Variants in FOXN2 observed in about 807,000 individuals in gnomAD.
The protein encoded by FOXN2 is forkhead box protein N2.
FOXN2 carries 19 observed loss-of-function variants against 41.2 expected under a neutral mutation model. The ratio of observed to expected loss-of-function variants is 0.46; its 90% CI spans 0.32 to 0.68. The LOEUF (loss-of-function observed/expected upper bound fraction) is 0.68. FOXN2 is among the 30% of genes least tolerant of loss of function. The pLI is 0.03. For missense variants in FOXN2, 587 were observed against 509.4 expected (o/e 1.15, Z -1.47); for synonymous variants, 195 against 176.8 (o/e 1.10, Z -0.82).
At position 48,378,102 on chromosome 2, in the gene FOXN2, T is replaced by A. The variant is rs1223345123; in HGVS notation, c.*2659T>A. 4 of 152,450 alleles carry A rather than the reference T, an allele frequency of 2.6e-5. No homozygotes were observed. The highest frequency in any genetic ancestry group is 2.9e-5 in the Non-Finnish European group (2 of 67,896). The allele number at this position is 152,450 out of a possible 1,614,324, so 9.4% of individuals were successfully genotyped here. ...GCAGCTGATTCCAGTTTATAATAGA[T>A]CCCTAGTAAAAAGCTTTGATTCAAC... On this transcript the variant is annotated 3_prime_UTR_variant, in exon 7 of 7. Transcript: ENST00000340553.
Position 48,374,949 on chromosome 2 carries a change from T to G in FOXN2, c.802T>G (p.Leu268Val). 3.1e-6 allele frequency: 5 copies of G among 1,612,970 alleles called. No individual in the cohort carries two copies. Among genetic ancestry groups the G allele is most frequent in the Non-Finnish European group, 4.2e-6 (5 of 1,179,228 alleles). ...CEKPLPLKTALQKKRSYGNAF... is the reference protein window; with the variant it reads ...CEKPLPLKTAVQKKRSYGNAF... ...GAAGCCTCTTCCTCTTAAAACAGCA[T>G]TGCAAAAAAAGAGGAGTTACGGCAA... is the stretch of plus-strand genomic sequence containing the variant. Residue 268 changes from leucine to valine, a missense_variant, in exon 7 of 7, where the codon TTG becomes GTG. Leu to Val is a conservative substitution (Grantham distance 32). Coordinates refer to ENST00000340553, the MANE Select transcript of FOXN2 (RefSeq NM_002158.4).
At chr2:48,341,641 A>C (rs893172692) in intron 2 of FOXN2, among the ~76,000 whole-genome samples, 3 of 152,242 alleles carry the variant, frequency 2.0e-5, no homozygotes, top group African/African-American at 7.2e-5. Context: ...TTTGGAAAGA[A>C]GAGCTCATTA....
intron 3 of FOXN2, among the ~76,000 whole-genome samples, chr2:48,358,298 T>C (rs1219968305): frequency 1.3e-5 from 2 of 151,690 alleles, no homozygotes; most frequent in Non-Finnish European, 1.5e-5. Context: ...AATATTCACC[T>C]ATTTTGCAGC....
chr2:48,340,910 G>A (rs1188310818), intron 2 of FOXN2: 1 of 152,114 alleles, frequency 6.6e-6, no homozygotes. Context: ...TAACACAAAT[G>A]TGTACTTTGC....
chr2:48,358,956 ATTAT>A, intron 3 of FOXN2, 87 bp from the exon 4 acceptor site: 1 of 936,938 alleles, frequency 1.1e-6, no homozygotes, highest in Admixed American at 2.4e-5. Flanking sequence ...GGTGCTAGAG[ATTAT>A]TTACCCCTGC....
At chr2:48,340,419 C>G (rs1439173040) in intron 2 of FOXN2, among the ~76,000 whole-genome samples, 1 of 152,052 alleles carries the variant, frequency 6.6e-6, no homozygotes, top group Non-Finnish European at 1.5e-5. Context: ...TTTTATATTT[C>G]TTATCCTAGA....
chr2:48,337,041 G>A (rs965515530), intron 2 of FOXN2, among the ~76,000 whole-genome samples: 3 of 150,146 alleles, frequency 2.0e-5, no homozygotes, highest in Non-Finnish European at 4.4e-5. Flanking sequence ...CTATCAAATA[G>A]TAGGTCTTAT....
At chr2:48,320,202 G>T (rs1002401065) in intron 1 of FOXN2, among the ~76,000 whole-genome samples, 1 of 151,966 alleles carries the variant, frequency 6.6e-6, no homozygotes, top group African/African-American at 2.4e-5. Flanking sequence ...GCTGATTGAA[G>T]AATTATTAAT....
At chr2:48,357,383 A>G (rs555976610) in intron 3 of FOXN2, among the ~76,000 whole-genome samples, 1 of 152,352 alleles carries the variant, frequency 6.6e-6, no homozygotes, top group Admixed American at 6.5e-5. Context: ...GAGCATGGCT[A>G]GCATTATTAA....
chr2:48,317,595 C>CCTTTTTTTTTTTTTTTTTTTTTT (rs1669006573), intron 1 of FOXN2, among the ~76,000 whole-genome samples: 4 of 34,712 alleles, frequency 1.2e-4, no homozygotes, highest in African/African-American at 3.5e-4. Flanking sequence ...TATAGTATTG[C>CCTTTTTTTTTTTTTTTTTTTTTT]TTTTTTTTTT....
At position 48,316,144 on chromosome 2, in the gene FOXN2, A is replaced by T. The variant is rs542187610; in HGVS notation, c.-157+1330A>T. 3.3e-5 allele frequency among the ~76,000 whole-genome samples: 5 copies of T among 152,094 alleles called. No individual in the cohort carries two copies. The South Asian group carries it at 1.0e-3, about 32-fold the overall frequency. On this transcript the variant is annotated intron_variant, in intron 1 of 6. Transcript: ENST00000340553. ...CATGTACATTTATCTTGGTGGGAGAAGCTGAACCATTCATGCCTGTACCTG... is the reference window on the plus strand; with the variant it reads ...CATGTACATTTATCTTGGTGGGAGATGCTGAACCATTCATGCCTGTACCTG...
intron 2 of FOXN2, among the ~76,000 whole-genome samples, chr2:48,334,362 T>C (rs1198445622): frequency 6.6e-6 from 1 of 152,196 alleles, no homozygotes; most frequent in East Asian, 1.9e-4. Context: ...TGACAACTCT[T>C]GTTAGAAGTA....
intron 1 of FOXN2, among the ~76,000 whole-genome samples, chr2:48,326,407 C>G (rs1190856632): frequency 6.6e-6 from 1 of 151,974 alleles, no homozygotes; most frequent in Non-Finnish European, 1.5e-5. Flanking sequence ...CCTAAGGGTC[C>G]CCTTGATGGA....
intron 1 of FOXN2, among the ~76,000 whole-genome samples, chr2:48,317,225 G>A (rs1486975913): frequency 1.3e-5 from 2 of 152,016 alleles, no homozygotes; most frequent in Non-Finnish European, 2.9e-5. Context: ...GAGGTGGGAG[G>A]ATCACCTGAG....
At chr2:48,368,504 C>A (rs1672675635) in intron 5 of FOXN2, among the ~76,000 whole-genome samples, 1 of 152,004 alleles carries the variant, frequency 6.6e-6, no homozygotes, top group Non-Finnish European at 1.5e-5. Context: ...ATCTCTAGGG[C>A]AACATGGTGA....
rs1038876457 is a variant in FOXN2 at position 48,346,758 on chromosome 2, G to A, written c.537+7G>A. On this transcript the variant is annotated splice_region_variant and intron_variant, in intron 3 of 6. Coordinates refer to ENST00000340553, the MANE Select transcript of FOXN2 (RefSeq NM_002158.4). Reference sequence around the variant, plus strand: ...GGAAAGAAGCCATGGCAAGGTCAGTGTTTATGAACATTGCTATATTTGGTG... The same window carrying A: ...GGAAAGAAGCCATGGCAAGGTCAGTATTTATGAACATTGCTATATTTGGTG... 1.3e-6 allele frequency: 2 copies of A among 1,557,382 alleles called. No individual in the cohort carries two copies. The highest frequency in any genetic ancestry group is 2.2e-5 in the East Asian group (1 of 44,604).
Position 48,375,541 on chromosome 2 carries a change from C to G in FOXN2, c.*98C>G, listed in dbSNP as rs940820214. ...TTAGTTTTAGGGTAGGGAAGGGATA[C>G]TAATTACTTATTTCTTTCAAAACAT... On this transcript the variant is annotated 3_prime_UTR_variant, in exon 7 of 7. Transcript: ENST00000340553. The G allele has an allele frequency of 8.4e-7, 1 of 1,188,724 alleles. No individual in the cohort carries two copies. The highest frequency in any genetic ancestry group is 2.8e-5 in the Admixed American group (1 of 35,310). 73.6% of individuals were successfully genotyped at this position (1,188,724 alleles called of 1,614,324 possible).
intron 1 of FOXN2, among the ~76,000 whole-genome samples, chr2:48,315,204 G>C (rs917194686): frequency 6.6e-6 from 1 of 152,140 alleles, no homozygotes; most frequent in African/African-American, 2.4e-5. Flanking sequence ...CTCGGGGCTG[G>C]AATCTGCTGT....
intron 3 of FOXN2, among the ~76,000 whole-genome samples, chr2:48,351,582 C>T (rs148527140): frequency 8.5e-5 from 13 of 152,250 alleles, no homozygotes; most frequent in South Asian, 2.1e-4. Context: ...GAAACTGTTC[C>T]ACCTCAGATC....
Sources: gnomAD v4.1 joint callset for allele counts (sites outside exome capture counted in the v4.1 genomes callset) on GRCh38, gnomAD v4.1.1 for gene constraint, MANE v1.5 for transcripts, NCBI Gene and HGNC (gene_info 2026-07-23, HGNC 2026-07-21) for gene names.